HORMAD2: variants seen among roughly 807,000 people sequenced by gnomAD.
HORMAD2 encodes HORMA domain containing 2.
A neutral mutation model predicts 38.8 loss-of-function variants in HORMAD2; 45 were observed. That is an observed-to-expected ratio of 1.16 (90% CI 0.91 to 1.49). The LOEUF (loss-of-function observed/expected upper bound fraction) is 1.49, where lower values mean the gene tolerates loss of function less well. HORMAD2 is among the 40% of genes most tolerant of loss of function. The pLI is 0.00. For synonymous variants in HORMAD2, 126 were observed against 122.8 expected (o/e 1.03, Z -0.17); for missense variants, 338 against 367.0 (o/e 0.92, Z 0.65).
At chr22:30,126,368 C>T (rs193186593) in intron 10 of HORMAD2, among the ~76,000 whole-genome samples, 33 of 152,168 alleles carry the variant, frequency 2.2e-4, no homozygotes, top group East Asian at 1.2e-3. Context: ...GGGGTTTCAC[C>T]GTGTTAGCCA....
intron 2 of HORMAD2, among the ~76,000 whole-genome samples, chr22:30,095,813 T>A (rs2068771376): frequency 6.6e-6 from 1 of 152,206 alleles, no homozygotes; most frequent in African/African-American, 2.4e-5. Flanking sequence ...ACTGGGAGTA[T>A]ATATTCATAT....
intron 7 of HORMAD2, among the ~76,000 whole-genome samples, chr22:30,117,720 G>A (rs1922149811): frequency 6.6e-6 from 1 of 152,166 alleles, no homozygotes; most frequent in Non-Finnish European, 1.5e-5. Flanking sequence ...CATTGGCCAG[G>A]CTGGTCTTGA....
At chr22:30,157,283 G>A (rs1206053477) in intron 10 of HORMAD2, among the ~76,000 whole-genome samples, 1 of 152,190 alleles carries the variant, frequency 6.6e-6, no homozygotes, top group African/African-American at 2.4e-5. Flanking sequence ...GACCTCATGA[G>A]CCAAAGAAAC....
the HORMAD2 span, among the ~76,000 whole-genome samples, chr22:30,191,572 G>T: frequency 6.6e-6 from 1 of 152,140 alleles, no homozygotes; most frequent in South Asian, 2.1e-4. Flanking sequence ...GGTATGATGT[G>T]GCATTGGTAG....
chr22:30,080,850 G>A (rs977519453), intron 1 of HORMAD2, among the ~76,000 whole-genome samples: 1 of 152,114 alleles, frequency 6.6e-6, no homozygotes, highest in Non-Finnish European at 1.5e-5. Context: ...CGACATTGGA[G>A]GGGGCCGTGT....
Position 30,082,029 on chromosome 22 carries a change from A to G in HORMAD2, c.-38+1538A>G, listed in dbSNP as rs73164712. ...CCAGATGTCCTTTTGTTTCAGCATCATTTGCTGAAAAAAAGATTCTTCCTC... is the reference window on the plus strand; with the variant it reads ...CCAGATGTCCTTTTGTTTCAGCATCGTTTGCTGAAAAAAAGATTCTTCCTC... On this transcript the variant is annotated intron_variant, in intron 1 of 10. Coordinates refer to ENST00000336726, the MANE Select transcript of HORMAD2 (RefSeq NM_152510.4). 3.3e-3 allele frequency among the ~76,000 whole-genome samples: 500 copies of G among 152,200 alleles called. 2 individuals are homozygous for G. The highest frequency in any genetic ancestry group is 4.8e-3 in the Non-Finnish European group (329 of 68,004).
At position 30,139,312 on chromosome 22, in the gene HORMAD2, CAT is replaced by C. The variant is rs1268092791; in HGVS notation, c.819+17110_819+17111del. 3.1e-4 allele frequency among the ~76,000 whole-genome samples: 34 copies of C among 109,836 alleles called. 1 individual carries two copies. In the South Asian group the frequency reaches 4.8e-3, roughly 16 times the overall value. 72.1% of individuals were successfully genotyped at this position (109,836 alleles called of 152,430 possible). ...TCCTCTGTCTCTCTCTCTCTACATA[CAT>C]ATATATATATAAATAACCTGTCTCT... On this transcript the variant is annotated intron_variant, in intron 10 of 10. Transcript: ENST00000336726.
the HORMAD2 span, among the ~76,000 whole-genome samples, chr22:30,186,707 A>T: frequency 6.6e-6 from 1 of 152,112 alleles, no homozygotes; most frequent in Non-Finnish European, 1.5e-5. Flanking sequence ...TCCCAGGCCT[A>T]CGTGAGGAAG....
chr22:30,110,854 G>A (rs926020351), intron 5 of HORMAD2, among the ~76,000 whole-genome samples: 5 of 151,846 alleles, frequency 3.3e-5, no homozygotes, highest in Non-Finnish European at 5.9e-5. Flanking sequence ...TGCAACCAAA[G>A]GTGGATTGAA....
At chr22:30,151,661 A>T (rs181621510) in intron 10 of HORMAD2, among the ~76,000 whole-genome samples, 1 of 152,320 alleles carries the variant, frequency 6.6e-6, no homozygotes. Context: ...AATAAATGAC[A>T]TTATCTGAAA....
rs1033185781 is a variant in HORMAD2, at chr22:30,104,263, A to C, written c.258-138A>C. 7.0e-4 allele frequency: 488 copies of C among 701,568 alleles called. 3 individuals carry two copies. Among genetic ancestry groups the C allele is most frequent in the Non-Finnish European group, 8.6e-4 (347 of 402,084 alleles). The allele number at this position is 701,568 out of a possible 1,614,324, so 43.5% of individuals were successfully genotyped here. A position where few individuals can be genotyped will look rare whatever the true frequency, so the allele number is the denominator to read the frequency against. On this transcript the variant is annotated intron_variant, in intron 4 of 10. Transcript: ENST00000336726. ...TATTAAAAGTTGCTGGAAGTTTAAA[A>C]AAATGATTAAATGGGAAAGGTAAGA...
intron 10 of HORMAD2, among the ~76,000 whole-genome samples, chr22:30,138,073 T>C (rs1414375046): frequency 1.3e-5 from 2 of 152,184 alleles, no homozygotes; most frequent in South Asian, 4.1e-4. Context: ...GCACTTGGTA[T>C]TGTCTCACTT....
chr22:30,138,686 C>T (rs999029121), intron 10 of HORMAD2, among the ~76,000 whole-genome samples: 2 of 152,022 alleles, frequency 1.3e-5, no homozygotes, highest in African/African-American at 4.8e-5. Context: ...TATTCATGAG[C>T]ATTCTTTTCA....
At chr22:30,135,171 A>G (rs145813292) in intron 10 of HORMAD2, among the ~76,000 whole-genome samples, 176 of 152,196 alleles carry the variant, frequency 1.2e-3, no homozygotes, top group Middle Eastern at 6.8e-3. Flanking sequence ...TAAAAACCCT[A>G]TATTAGAATG....
chr22:30,185,612 G>C, the HORMAD2 span, among the ~76,000 whole-genome samples: 1 of 152,114 alleles, frequency 6.6e-6, no homozygotes, highest in South Asian at 2.1e-4. Context: ...CATAGTTCTA[G>C]CTAAAAGTCA....
downstream of HORMAD2, among the ~76,000 whole-genome samples, chr22:30,180,863 C>T (rs1370212713): frequency 7.0e-6 from 1 of 142,730 alleles, no homozygotes; most frequent in Admixed American, 6.9e-5. Flanking sequence ...TTCTTCCCTT[C>T]CCTTCTTCCC....
At position 30,098,922 on chromosome 22, in the gene HORMAD2, C is replaced by T; in HGVS notation, c.122C>T (p.Thr41Ile). Residue 41 changes from threonine (T) to isoleucine (I), a missense_variant, in exon 3 of 11, where the codon ACT (threonine) becomes ATT (isoleucine). Physicochemically the swap from Thr to Ile is moderately conservative, Grantham distance 89. Coordinates refer to ENST00000336726, the MANE Select transcript of HORMAD2 (RefSeq NM_152510.4). ...AAAATGGTGAAGAAACTTTTTGCTA[C>T]TTCCATCTCATGTATAACATACCTA... ...SLKMVKKLFA[T>I]SISCITYLRG... The T allele has an allele frequency of 6.2e-7, 1 of 1,613,328 alleles. No individual in the cohort carries two copies. Among genetic ancestry groups the T allele is most frequent in the Non-Finnish European group, 8.5e-7 (1 of 1,179,392 alleles).
intron 10 of HORMAD2, among the ~76,000 whole-genome samples, chr22:30,166,910 A>G (rs1036489572): frequency 2.2e-4 from 33 of 152,232 alleles, no homozygotes; most frequent in Admixed American, 6.5e-5. Context: ...AATAGAGAAG[A>G]GGGAAAAGAA....
At chr22:30,205,407 G>A in the HORMAD2 span, among the ~76,000 whole-genome samples, 2 of 152,152 alleles carry the variant, frequency 1.3e-5, no homozygotes, top group African/African-American at 4.8e-5. Flanking sequence ...ACTGCTGCCT[G>A]GATGACCTCA....
Sources: gnomAD v4.1 joint callset for allele counts (sites outside exome capture counted in the v4.1 genomes callset) on GRCh38, gnomAD v4.1.1 for gene constraint, MANE v1.5 for transcripts, NCBI Gene and HGNC (gene_info 2026-07-23, HGNC 2026-07-21) for gene names.